Variants in NDUFAF2 observed in about 807,000 individuals in gnomAD.
NDUFAF2 encodes NADH dehydrogenase [ubiquinone] 1 alpha subcomplex assembly factor 2.
In NDUFAF2, 13 loss-of-function variants were observed where a neutral mutation model predicts 22.8. The ratio of observed to expected loss-of-function variants is 0.57; its 90% CI spans 0.37 to 0.91. The LOEUF is 0.91. Ranked by LOEUF, NDUFAF2 falls within the 40% of genes least tolerant of loss-of-function variation. The probability of loss-of-function intolerance (pLI) is 0.01; values close to 1 mark genes in which losing one functional copy is unlikely to be tolerated. For synonymous variants in NDUFAF2, 53 were observed against 64.2 expected (o/e 0.83, Z 0.84); for missense variants, 162 against 195.2 (o/e 0.83, Z 1.01).
At chr5:61,097,267 C>G (rs142696443) in intron 2 of NDUFAF2, among the ~76,000 whole-genome samples, 3 of 151,082 alleles carry the variant, frequency 2.0e-5, no homozygotes, top group African/African-American at 7.3e-5. Flanking sequence ...AAAATATCAT[C>G]ATGTAGAAAA....
At chr5:61,085,924 G>T (rs889219122) in intron 2 of NDUFAF2, among the ~76,000 whole-genome samples, 1 of 152,040 alleles carries the variant, frequency 6.6e-6, no homozygotes, top group African/African-American at 2.4e-5. Flanking sequence ...AGTCCAACCT[G>T]GGCAACATAG....
At chr5:61,043,230 A>G (rs1001775679) in intron 1 of NDUFAF2, among the ~76,000 whole-genome samples, 7 of 152,142 alleles carry the variant, frequency 4.6e-5, no homozygotes, top group African/African-American at 1.7e-4. Context: ...TGGGGGAAAA[A>G]AACAAAAATG....
chr5:60,958,251 A>C (rs1750642497), intron 1 of NDUFAF2, among the ~76,000 whole-genome samples: 1 of 152,120 alleles, frequency 6.6e-6, no homozygotes. Context: ...CTGACCTTTT[A>C]ATGGTACCTT....
At chr5:61,058,032 A>G (rs1278745775) in intron 1 of NDUFAF2, among the ~76,000 whole-genome samples, 2 of 152,206 alleles carry the variant, frequency 1.3e-5, no homozygotes, top group Non-Finnish European at 2.9e-5. Flanking sequence ...AAACTGCCAC[A>G]TATTCTGTGA....
At chr5:60,961,388 G>A (rs1580068547) in intron 1 of NDUFAF2, among the ~76,000 whole-genome samples, 2 of 152,076 alleles carry the variant, frequency 1.3e-5, no homozygotes, top group Admixed American at 1.3e-4. Flanking sequence ...GAGGTCAGGA[G>A]ATCGAGACCA....
intron 3 of NDUFAF2, among the ~76,000 whole-genome samples, chr5:61,126,814 C>CA (rs1344960618): frequency 1.3e-5 from 2 of 151,624 alleles, no homozygotes; most frequent in South Asian, 2.1e-4. Context: ...GATAGAGACA[C>CA]AAAAAAACCC....
Position 60,994,562 on chromosome 5 carries a change from A to G in NDUFAF2, c.127+49180A>G, listed in dbSNP as rs183381682. Among the ~76,000 whole-genome samples, 295 of 152,276 alleles carry G rather than the reference A, an allele frequency of 1.9e-3. 5 individuals carry two copies. Among genetic ancestry groups the G allele is most frequent in the Admixed American group, 3.1e-3 (48 of 15,308 alleles). Reference sequence around the variant, plus strand: ...GCAACCACTCCAGATGGCCGCTGCTACCATTAATATTGGAGCTCCATTGTT... The same window carrying G: ...GCAACCACTCCAGATGGCCGCTGCTGCCATTAATATTGGAGCTCCATTGTT... On this transcript the variant is annotated intron_variant, in intron 1 of 3. Transcript: ENST00000296597.
chr5:60,974,798 T>C (rs1386274373), intron 1 of NDUFAF2, among the ~76,000 whole-genome samples: 1 of 152,110 alleles, frequency 6.6e-6, no homozygotes, highest in African/African-American at 2.4e-5. Context: ...TTTGTGTTTG[T>C]TTGTTTGTTT....
At chr5:60,985,380 G>T (rs532564735) in intron 1 of NDUFAF2, among the ~76,000 whole-genome samples, 135 of 151,774 alleles carry the variant, frequency 8.9e-4, no homozygotes, top group African/African-American at 3.1e-3. Flanking sequence ...AGGCTTTTTT[G>T]TGTCTCTATC....
chr5:60,967,689 A>G (rs1750775769), intron 1 of NDUFAF2, among the ~76,000 whole-genome samples: 1 of 151,750 alleles, frequency 6.6e-6, no homozygotes, highest in Non-Finnish European at 1.5e-5. Context: ...CCAGGGATAA[A>G]TCTCACTTGA....
At chr5:61,018,856 A>T (rs891324715) in intron 1 of NDUFAF2, among the ~76,000 whole-genome samples, 1 of 152,134 alleles carries the variant, frequency 6.6e-6, no homozygotes, top group South Asian at 2.1e-4. Flanking sequence ...ATTTTATTGC[A>T]TATCTTATAT....
intron 1 of NDUFAF2, among the ~76,000 whole-genome samples, chr5:60,984,386 T>G (rs1319805523): frequency 6.6e-6 from 1 of 152,128 alleles, no homozygotes; most frequent in Non-Finnish European, 1.5e-5. Context: ...GAATGCCCTT[T>G]ATTTCCTTCT....
At chr5:61,112,651 C>A (rs1455624010) in intron 3 of NDUFAF2, among the ~76,000 whole-genome samples, 1 of 152,008 alleles carries the variant, frequency 6.6e-6, no homozygotes. Flanking sequence ...AGTCTTTATA[C>A]GTGGTGTGTT....
Position 61,120,619 on chromosome 5 carries a change from G to A in NDUFAF2, c.258+21587G>A, listed in dbSNP as rs1042899422. 5.9e-5 allele frequency among the ~76,000 whole-genome samples: 9 copies of A among 152,018 alleles called. No homozygotes were observed. In the South Asian group the frequency reaches 1.9e-3, roughly 32 times the overall value. ...TTAAAATAAGTTGAATATAAATAAG[G>A]TGCTATTATGAATTATTTTTAGATA... On this transcript the variant is annotated intron_variant, in intron 3 of 3. Transcript: ENST00000296597.
chr5:61,014,568 C>A (rs1348700713), intron 1 of NDUFAF2, among the ~76,000 whole-genome samples: 10 of 152,128 alleles, frequency 6.6e-5, no homozygotes. Context: ...GTACAGATGG[C>A]AACCTGGGAC....
chr5:61,122,611 C>CA (rs1355311682), intron 3 of NDUFAF2, among the ~76,000 whole-genome samples: 3 of 152,154 alleles, frequency 2.0e-5, no homozygotes, highest in Non-Finnish European at 2.9e-5. Flanking sequence ...TTTGTCTCCC[C>CA]ATTTGTATGG....
In NDUFAF2 at chr5:61,069,099, A is replaced by T. The variant is rs571598295; in HGVS notation, c.128-4026A>T. Reference sequence around the variant, plus strand: ...TAAAACTTAGTTCAATATCTGGCACATGGTAAACATGCCATAAATGTTAGT... The same window carrying T: ...TAAAACTTAGTTCAATATCTGGCACTTGGTAAACATGCCATAAATGTTAGT... On this transcript the variant is annotated intron_variant, in intron 1 of 3. Coordinates refer to ENST00000296597, the MANE Select transcript of NDUFAF2 (RefSeq NM_174889.5). Among the ~76,000 whole-genome samples, 3 of 151,202 alleles carry T rather than the reference A, an allele frequency of 2.0e-5. No individual in the cohort carries two copies. The East Asian group carries it at 5.8e-4, about 29-fold the overall frequency.
intron 3 of NDUFAF2, among the ~76,000 whole-genome samples, chr5:61,130,094 T>C (rs966888836): frequency 3.3e-5 from 5 of 152,122 alleles, no homozygotes; most frequent in Non-Finnish European, 7.4e-5. Flanking sequence ...GAACCAACCT[T>C]GATGTCTTTT....
intron 2 of NDUFAF2, among the ~76,000 whole-genome samples, chr5:61,074,691 C>G (rs1425344498): frequency 2.0e-5 from 3 of 152,120 alleles, no homozygotes; most frequent in Non-Finnish European, 4.4e-5. Context: ...ACCCGGGAGG[C>G]AGAGGTTGCA....
Sources: allele counts gnomAD v4.1 joint callset (sites outside exome capture counted in the v4.1 genomes callset), GRCh38; gene constraint gnomAD v4.1.1; transcripts MANE v1.5; gene names NCBI Gene and HGNC (gene_info 2026-07-23, HGNC 2026-07-21).